Variants in RPL18A observed in about 807,000 individuals in gnomAD.
RPL18A encodes the protein large ribosomal subunit protein eL20.
For missense variants in RPL18A, 163 were observed against 254.1 expected (o/e 0.64, Z 2.44); for synonymous variants, 122 against 96.9 (o/e 1.26, Z -1.52).
chr19:17,860,192 GC>G, intron 1 of RPL18A: 1 of 518,012 alleles, frequency 1.9e-6, no homozygotes, highest in Non-Finnish European at 3.3e-6. Context: ...GATCGCGGGG[GC>G]CCAAGGACTC....
chr19:17,862,795 G>T, intron 3 of RPL18A, 123 bp from the exon 4 acceptor site: 1 of 775,932 alleles, frequency 1.3e-6, no homozygotes, highest in South Asian at 1.4e-5. Flanking sequence ...CGTGAGCCCC[G>T]AGCCCTCAGG....
Sources: allele counts gnomAD v4.1 joint callset, GRCh38; gene constraint gnomAD v4.1.1; transcripts MANE v1.5; gene names NCBI Gene and HGNC (gene_info 2026-07-23, HGNC 2026-07-21).